The following BST1 variants were observed in gnomAD, a reference collection of about 807,000 sequenced individuals.
BST1 encodes bone marrow stromal cell antigen 1.
BST1 carries 49 observed loss-of-function variants against 40.6 expected under a neutral mutation model. The ratio of observed to expected loss-of-function variants is 1.21; its 90% CI spans 0.96 to 1.53. The LOEUF is 1.53. BST1 is among the 40% of genes most tolerant of loss of function. The pLI is 0.00. For synonymous variants in BST1, 157 were observed against 159.3 expected, an observed-to-expected ratio of 0.99 and a Z score of 0.11; for missense variants, 423 against 395.9, an observed-to-expected ratio of 1.07 and a Z score of -0.58.
At chr4:15,731,707 T>A in intron 8 of BST1, 33 bp from the exon 9 acceptor site, 1 of 1,593,348 alleles carries the variant, frequency 6.3e-7, no homozygotes, top group Non-Finnish European at 8.6e-7. Context: ...ACACCAATAC[T>A]GACACTTTCT....
chr4:15,710,267 C>T (rs1720118937), intron 3 of BST1, among the ~76,000 whole-genome samples: 1 of 152,058 alleles, frequency 6.6e-6, no homozygotes, highest in Non-Finnish European at 1.5e-5. Flanking sequence ...AGTACCTGGC[C>T]TTGGTGCTTT....
chr4:15,711,753 T>C lies in BST1; in HGVS notation c.452-54T>C. 2.2e-6 allele frequency: 3 copies of C among 1,383,378 alleles called. 1 individual carries two copies. In the South Asian group the frequency reaches 3.5e-5, roughly 16 times the overall value. The allele number at this position is 1,383,378 out of a possible 1,614,324, so 85.7% of individuals were successfully genotyped here. A position where few individuals can be genotyped will look rare whatever the true frequency, so the allele number is the denominator to read the frequency against. On this transcript the variant is annotated intron_variant, in intron 3 of 8. Transcript: ENST00000265016. ...CTGGGATATATTGTAAGTTAATTCTTCTCTGAGATAGATAATCTTTGGAAT... is the reference window on the plus strand; with the variant it reads ...CTGGGATATATTGTAAGTTAATTCTCCTCTGAGATAGATAATCTTTGGAAT...
At chr4:15,746,616 A>G in the BST1 span, among the ~76,000 whole-genome samples, 1 of 152,184 alleles carries the variant, frequency 6.6e-6, no homozygotes, top group Non-Finnish European at 1.5e-5. Flanking sequence ...TCTGCCTCTT[A>G]AAGGCCCCAC....
rs1721388384 is a variant in BST1 at position 15,731,809 on chromosome 4, C to T, written c.921C>T (p.Pro307=). The T allele has an allele frequency of 6.2e-7, 1 of 1,613,588 alleles. No homozygotes were observed. The highest frequency in any genetic ancestry group is 1.3e-5 in the African/African-American group (1 of 74,902). Reference sequence around the variant, plus strand: ...AACAAAGGGCGGGTCTTATCATTCCCCTCTTTCTGGTGCTGGCTTCCAGGA... The same window carrying T: ...AACAAAGGGCGGGTCTTATCATTCCTCTCTTTCTGGTGCTGGCTTCCAGGA... ...YTEQRAGLII[P]LFLVLASRTQ... The change falls in exon 9 of 9, where the codon CCC becomes CCT. Residue 307 remains proline (P), a synonymous_variant. Coordinates refer to ENST00000265016, the MANE Select transcript of BST1 (RefSeq NM_004334.3).
In BST1 at chr4:15,707,610, G is replaced by A. The variant is rs1381218700; in HGVS notation, c.415G>A (p.Asp139Asn). 1 of 1,614,118 alleles carries A rather than the reference G, an allele frequency of 6.2e-7. No individual in the cohort carries two copies. Among genetic ancestry groups the A allele is most frequent in the South Asian group, 1.1e-5 (1 of 91,082 alleles). ...LSDVLYGRVA[D>N]FLSWCRQKND... Reference sequence around the variant, plus strand: ...CGATGTTCTGTATGGCAGGGTTGCAGATTTCTTGAGCTGGTGTCGACAGAA... The same window carrying A: ...CGATGTTCTGTATGGCAGGGTTGCAAATTTCTTGAGCTGGTGTCGACAGAA... Residue 139 changes from aspartate to asparagine, a missense_variant, in exon 3 of 9, where the codon GAT becomes AAT. Asp to Asn is a conservative substitution (Grantham distance 23). Coordinates refer to ENST00000265016, the MANE Select transcript of BST1 (RefSeq NM_004334.3).
chr4:15,743,110 C>A (rs919552571), downstream of BST1: 1 of 156,760 alleles, frequency 6.4e-6, no homozygotes, highest in Non-Finnish European at 1.4e-5. Context: ...ATCATGAACC[C>A]ACTTTCAGTT....
downstream of BST1, among the ~76,000 whole-genome samples, chr4:15,734,031 A>T (rs2148898368): frequency 6.6e-6 from 1 of 152,386 alleles, no homozygotes; most frequent in African/African-American, 2.4e-5. Context: ...AATAAAGGTA[A>T]CTACCTTGAT....
At chr4:15,725,086 T>G (rs1377409315) in intron 8 of BST1, among the ~76,000 whole-genome samples, 1 of 152,052 alleles carries the variant, frequency 6.6e-6, no homozygotes, top group Non-Finnish European at 1.5e-5. Context: ...AATAAACATC[T>G]GTCTTCTCTA....
At chr4:15,726,208 G>T (rs796353024) in intron 8 of BST1, among the ~76,000 whole-genome samples, 3 of 142,332 alleles carry the variant, frequency 2.1e-5, no homozygotes, top group Non-Finnish European at 4.5e-5. Context: ...ATTCTTTAGC[G>T]CCTCCCACCT....
intron 1 of BST1, among the ~76,000 whole-genome samples, 200 bp from the exon 2 acceptor site, chr4:15,705,315 G>T (rs370371847): frequency 4.1e-4 from 63 of 152,150 alleles, no homozygotes; most frequent in African/African-American, 1.4e-3. Context: ...AATCTGTGCA[G>T]TGCCTTCAGA....
Position 15,715,296 on chromosome 4 carries a change from T to G in BST1, c.546T>G (p.Asp182Glu), listed in dbSNP as rs776252948. Reference sequence around the variant, plus strand: ...GGTTCTTCTCGTAGTATTCCAAGGATAGTTCTGGGGTGATCCACGTCATGC... The same window carrying G: ...GGTTCTTCTCGTAGTATTCCAAGGAGAGTTCTGGGGTGATCCACGTCATGC... ...WKRASIQYSK[D>E]SSGVIHVMLN... Residue 182 changes from aspartate to glutamate, a missense_variant, in exon 5 of 9, where the codon GAT becomes GAG. Asp to Glu is a conservative substitution (Grantham distance 45). Coordinates refer to ENST00000265016, the MANE Select transcript of BST1 (RefSeq NM_004334.3). The G allele has an allele frequency of 1.2e-6, 2 of 1,613,874 alleles. No homozygotes were observed. Among genetic ancestry groups the G allele is most frequent in the Non-Finnish European group, 1.7e-6 (2 of 1,179,828 alleles).
intron 8 of BST1, among the ~76,000 whole-genome samples, chr4:15,725,846 C>T (rs1721074350): frequency 6.6e-6 from 1 of 152,048 alleles, no homozygotes; most frequent in Admixed American, 6.6e-5. Context: ...AAATCATAGC[C>T]TCCATCTCAC....
intron 7 of BST1, among the ~76,000 whole-genome samples, chr4:15,719,475 A>T (rs1720690317): frequency 6.6e-6 from 1 of 152,098 alleles, no homozygotes; most frequent in African/African-American, 2.4e-5. Context: ...ATTTATAATC[A>T]GGTATCATTT....
At chr4:15,770,143 A>T in the BST1 span, among the ~76,000 whole-genome samples, 4 of 108,426 alleles carry the variant, frequency 3.7e-5, no homozygotes, top group African/African-American at 1.4e-4. Flanking sequence ...CATGGCTAAA[A>T]TGTGATTTTT....
chr4:15,711,595 A>G (rs1720207638), intron 3 of BST1, among the ~76,000 whole-genome samples: 1 of 152,250 alleles, frequency 6.6e-6, no homozygotes, highest in African/African-American at 2.4e-5. Context: ...TGTGATGAGC[A>G]AAATGACCAA....
At chr4:15,770,615 G>A in the BST1 span, among the ~76,000 whole-genome samples, 5 of 152,120 alleles carry the variant, frequency 3.3e-5, no homozygotes, top group Non-Finnish European at 5.9e-5. Flanking sequence ...CAGGAGAATC[G>A]CTTGAGCCCG....
At chr4:15,711,650 G>A (rs927313637) in intron 3 of BST1, among the ~76,000 whole-genome samples, 157 bp from the exon 4 acceptor site, 4 of 152,204 alleles carry the variant, frequency 2.6e-5, no homozygotes, top group Non-Finnish European at 4.4e-5. Context: ...CAGGCTCCTT[G>A]TGGATTGAGT....
At chr4:15,723,135 T>C (rs1461056391) in intron 8 of BST1, among the ~76,000 whole-genome samples, 1 of 152,268 alleles carries the variant, frequency 6.6e-6, no homozygotes, top group Non-Finnish European at 1.5e-5. Flanking sequence ...AACGTCCTGC[T>C]GTGAGCTTTC....
At chr4:15,764,225 G>T in the BST1 span, among the ~76,000 whole-genome samples, 1 of 151,952 alleles carries the variant, frequency 6.6e-6, no homozygotes, top group Non-Finnish European at 1.5e-5. Flanking sequence ...TCTAAAAAAT[G>T]AAGTAAAATA....
Sources: allele counts gnomAD v4.1 joint callset (sites outside exome capture counted in the v4.1 genomes callset), GRCh38; gene constraint gnomAD v4.1.1; transcripts MANE v1.5; gene names NCBI Gene and HGNC (gene_info 2026-07-23, HGNC 2026-07-21).